Variants in PPP1R14C observed in about 807,000 individuals in gnomAD.
PPP1R14C encodes the protein protein phosphatase 1 regulatory inhibitor subunit 14C.
A neutral mutation model predicts 20.4 loss-of-function variants in PPP1R14C; 16 were observed. The ratio of observed to expected loss-of-function variants is 0.78; its 90% CI spans 0.53 to 1.19. The LOEUF is 1.19. PPP1R14C is among the 50% of genes most tolerant of loss of function. PPP1R14C has a pLI of 0.00. For missense variants in PPP1R14C, 211 were observed against 220.1 expected, an observed-to-expected ratio of 0.96 and a Z score of 0.26; for synonymous variants, 91 against 91.0, an observed-to-expected ratio of 1.00 and a Z score of 0.00.
chr6:150,203,135 A>G (rs1777898831), intron 1 of PPP1R14C, among the ~76,000 whole-genome samples: 1 of 152,128 alleles, frequency 6.6e-6, no homozygotes, highest in Non-Finnish European at 1.5e-5. Context: ...GGTTTTGGCA[A>G]ATGTGTGATG....
intron 1 of PPP1R14C, among the ~76,000 whole-genome samples, chr6:150,208,990 G>A (rs544852489): frequency 3.3e-5 from 5 of 152,248 alleles, no homozygotes; most frequent in Non-Finnish European, 5.9e-5. Flanking sequence ...CGCTTCCTAT[G>A]CCAGTTTGCT....
chr6:150,213,748 C>T (rs1476567775), intron 1 of PPP1R14C, among the ~76,000 whole-genome samples: 2 of 152,206 alleles, frequency 1.3e-5, no homozygotes, highest in African/African-American at 4.8e-5. Context: ...CTTTGAAGTT[C>T]AGATTCCAAA....
intron 1 of PPP1R14C, among the ~76,000 whole-genome samples, chr6:150,168,533 C>CACAAAACAAAACAA (rs1554218106): frequency 2.0e-5 from 3 of 148,892 alleles, no homozygotes; most frequent in African/African-American, 7.5e-5. Context: ...ACTCCCGTCT[C>CACAAAACAAAACAA]AACAAAACAA....
chr6:150,211,400 C>A (rs902406770), intron 1 of PPP1R14C, among the ~76,000 whole-genome samples: 3 of 152,188 alleles, frequency 2.0e-5, no homozygotes, highest in Non-Finnish European at 2.9e-5. Context: ...CTTTCCCCAG[C>A]AGCTGTGAAG....
At chr6:150,176,157 G>A (rs1168913610) in intron 1 of PPP1R14C, among the ~76,000 whole-genome samples, 3 of 152,280 alleles carry the variant, frequency 2.0e-5, no homozygotes, top group South Asian at 4.2e-4. Flanking sequence ...GCTCTAGTGG[G>A]CACCCCGGGG....
intron 3 of PPP1R14C, among the ~76,000 whole-genome samples, chr6:150,243,940 A>G (rs1177279195): frequency 1.3e-5 from 2 of 152,314 alleles, no homozygotes; most frequent in South Asian, 4.1e-4. Flanking sequence ...TTATGATTCC[A>G]TTTATGTAAA....
chr6:150,227,971 T>C (rs1172974256), intron 3 of PPP1R14C, among the ~76,000 whole-genome samples: 2 of 152,232 alleles, frequency 1.3e-5, no homozygotes, highest in African/African-American at 4.8e-5. Context: ...AGACCTCATC[T>C]GCCCCAGGTA....
intron 3 of PPP1R14C, among the ~76,000 whole-genome samples, chr6:150,218,485 C>G (rs545802016): frequency 2.4e-5 from 3 of 125,704 alleles, no homozygotes; most frequent in Non-Finnish European, 5.1e-5. Flanking sequence ...CCCCCCCCCC[C>G]AAAAAAAAAT....
At chr6:150,211,326 G>T (rs185682037) in intron 1 of PPP1R14C, among the ~76,000 whole-genome samples, 2 of 152,342 alleles carry the variant, frequency 1.3e-5, no homozygotes, top group African/African-American at 4.8e-5. Flanking sequence ...GTGATCCAGG[G>T]CCTCGTGCTA....
chr6:150,145,703 G>A (rs954481034), intron 1 of PPP1R14C, among the ~76,000 whole-genome samples: 4 of 152,156 alleles, frequency 2.6e-5, no homozygotes, highest in African/African-American at 7.2e-5. Context: ...TTACAGCTCC[G>A]AACTTCATGC....
chr6:150,234,271 G>A (rs760241892), intron 3 of PPP1R14C, among the ~76,000 whole-genome samples: 19 of 152,008 alleles, frequency 1.2e-4, no homozygotes, highest in South Asian at 6.3e-4. Context: ...TGAAATTCTC[G>A]TACCCCACTG....
chr6:150,152,086 C>T (rs999571697), intron 1 of PPP1R14C, among the ~76,000 whole-genome samples: 16 of 145,978 alleles, frequency 1.1e-4, no homozygotes, highest in Non-Finnish European at 2.1e-4. Flanking sequence ...CGCCAATGCA[C>T]TCCAGCCTGG....
intron 1 of PPP1R14C, among the ~76,000 whole-genome samples, chr6:150,170,353 C>T (rs1777483077): frequency 6.7e-6 from 1 of 149,244 alleles, no homozygotes; most frequent in East Asian, 2.0e-4. Context: ...GATGGAGTCT[C>T]ACTCTGTCTC....
chr6:150,217,480 C>T (rs1374875775), intron 3 of PPP1R14C, among the ~76,000 whole-genome samples: 1 of 152,102 alleles, frequency 6.6e-6, no homozygotes, highest in Non-Finnish European at 1.5e-5. Context: ...CAGGTGTGAG[C>T]CACCGCACCC....
At chr6:150,191,080 C>T (rs9383714) in intron 1 of PPP1R14C, among the ~76,000 whole-genome samples, 89,576 of 152,004 alleles carry the variant, frequency 0.59, 27,240 homozygotes, top group African/African-American at 0.75. Context: ...TTGGTCCTCA[C>T]ATGTTTTCTC....
chr6:150,198,087 G>A lies in PPP1R14C; in HGVS notation c.307-16657G>A, dbSNP rs1327538251. Among the ~76,000 whole-genome samples the A allele has an allele frequency of 1.4e-4, 13 of 95,576 alleles. No individual in the cohort carries two copies. In the East Asian group the frequency reaches 2.1e-3, roughly 15 times the overall value. The allele number at this position is 95,576 out of a possible 152,430, so 62.7% of individuals were successfully genotyped here. On this transcript the variant is annotated intron_variant, in intron 1 of 3. Coordinates refer to ENST00000361131, the MANE Select transcript of PPP1R14C (RefSeq NM_030949.3). Reference sequence around the variant, plus strand: ...ACGGTGGAGGAGGGCCTGGATGCCCGGCTTTGTGTGCCCCTGCCCGTCACG... The same window carrying A: ...ACGGTGGAGGAGGGCCTGGATGCCCAGCTTTGTGTGCCCCTGCCCGTCACG...
chr6:150,222,540 A>G (rs1315895039), intron 3 of PPP1R14C, among the ~76,000 whole-genome samples: 1 of 152,150 alleles, frequency 6.6e-6, no homozygotes, highest in Non-Finnish European at 1.5e-5. Context: ...AATGACATGT[A>G]TCCACCACTA....
rs1159927958 is a variant in PPP1R14C, at chr6:150,167,997, TC to T, written c.306+24504del. Among the ~76,000 whole-genome samples the T allele has an allele frequency of 5.2e-3, 16 of 3,094 alleles. 3 individuals are homozygous for T. Among genetic ancestry groups the T allele is most frequent in the African/African-American group, 0.027 (15 of 554 alleles). The allele number at this position is 3,094 out of a possible 152,430, so 2.0% of individuals were successfully genotyped here. A position where few individuals can be genotyped will look rare whatever the true frequency, so the allele number is the denominator to read the frequency against. On this transcript the variant is annotated intron_variant, in intron 1 of 3. Coordinates refer to ENST00000361131, the MANE Select transcript of PPP1R14C (RefSeq NM_030949.3). ...CTCCTTCTCTCCTCCCCTCTTCCTCTCCCCCTTGCTTTCCTCCCACCCTTTC... is the reference window on the plus strand; with the variant it reads ...CTCCTTCTCTCCTCCCCTCTTCCTCTCCCCTTGCTTTCCTCCCACCCTTTC...
At chr6:150,174,780 C>A (rs184097193) in intron 1 of PPP1R14C, among the ~76,000 whole-genome samples, 1 of 151,226 alleles carries the variant, frequency 6.6e-6, no homozygotes, top group Non-Finnish European at 1.5e-5. Context: ...CTGGCCAATA[C>A]GGTGAAACGC....
Sources: gnomAD v4.1 joint callset for allele counts (sites outside exome capture counted in the v4.1 genomes callset) on GRCh38, gnomAD v4.1.1 for gene constraint, MANE v1.5 for transcripts, NCBI Gene and HGNC (gene_info 2026-07-23, HGNC 2026-07-21) for gene names.